The following SEC23B variants were observed in gnomAD, a reference collection of about 807,000 sequenced individuals.
SEC23B encodes the protein SEC23 homolog B, COPII component.
In SEC23B, 77 loss-of-function variants were observed where a neutral mutation model predicts 104.3. The observed-to-expected ratio is 0.74, with a 90% CI of 0.61 to 0.89. The LOEUF is 0.89. SEC23B is among the 40% of genes least tolerant of loss of function. SEC23B has a pLI of 0.00. For missense variants in SEC23B, 885 were observed against 949.4 expected (o/e 0.93, Z 0.89); for synonymous variants, 338 against 332.5 (o/e 1.02, Z -0.18).
In SEC23B at chr20:18,535,677, C is replaced by A; in HGVS notation, c.1339C>A (p.Gln447Lys). Residue 447 changes from glutamine to lysine, a missense_variant, in exon 12 of 20, where the codon CAG (glutamine) becomes AAG (lysine). Transcript: ENST00000650089. ...ENELGVGGTS[Q>K]WKICGLDPTS... ...GGAGCTTGGTGTTGGTGGCACGAGT[C>A]AGTGGAAAATCTGTGGCCTAGATCC... The A allele has an allele frequency of 1.2e-6, 2 of 1,614,074 alleles. No individual in the cohort carries two copies. The highest frequency in any genetic ancestry group is 4.5e-5 in the East Asian group (2 of 44,870).
chr20:18,531,638 G>A (rs1388369732), intron 10 of SEC23B, among the ~76,000 whole-genome samples: 4 of 132,054 alleles, frequency 3.0e-5, no homozygotes, highest in Admixed American at 2.4e-4. Flanking sequence ...CTGTGGCAAC[G>A]AGTGAAACTG....
At chr20:18,557,270 A>T (rs1358928954) in intron 19 of SEC23B, among the ~76,000 whole-genome samples, 1 of 151,550 alleles carries the variant, frequency 6.6e-6, no homozygotes, top group South Asian at 2.1e-4. Flanking sequence ...GTATCTCCTT[A>T]TTTAGCTTTT....
intron 16 of SEC23B, among the ~76,000 whole-genome samples, chr20:18,550,106 A>G (rs904677177): frequency 5.4e-5 from 8 of 148,324 alleles, no homozygotes; most frequent in Non-Finnish European, 1.0e-4. Context: ...ATATGTATAT[A>G]TAAATATAAA....
intron 3 of SEC23B, among the ~76,000 whole-genome samples, chr20:18,513,330 C>T (rs1283160854): frequency 6.8e-6 from 1 of 147,130 alleles, no homozygotes; most frequent in African/African-American, 2.5e-5. Context: ...CCTGGCAACA[C>T]AGCAAGAGTG....
chr20:18,559,078 G>T (rs1391341668), intron 19 of SEC23B, among the ~76,000 whole-genome samples: 8 of 53,624 alleles, frequency 1.5e-4, no homozygotes, highest in African/African-American at 3.7e-4. Flanking sequence ...GAAGGTGGTT[G>T]GTGGGGGGGG....
rs777288695 is a variant in SEC23B, at chr20:18,527,565, G to A, written c.1063G>A (p.Asp355Asn). 1.2e-5 allele frequency: 20 copies of A among 1,613,548 alleles called. No homozygotes were observed. The highest frequency in any genetic ancestry group is 1.4e-5 in the Non-Finnish European group (17 of 1,179,546). ...HCIDIYACAL[D>N]QTGLLEMKCC... ...CATTGATATTTATGCTTGTGCCCTTGATCAAACTGGACTTTTGGAGATGAA... is the reference window on the plus strand; with the variant it reads ...CATTGATATTTATGCTTGTGCCCTTAATCAAACTGGACTTTTGGAGATGAA... Residue 355 changes from aspartate (D) to asparagine (N), a missense_variant, in exon 9 of 20, where the codon GAT becomes AAT. By Grantham distance (23) the Asp-to-Asn change is conservative (BLOSUM62 1). Transcript: ENST00000650089.
chr20:18,545,731 A>T (rs1170606557), intron 14 of SEC23B, among the ~76,000 whole-genome samples: 1 of 152,164 alleles, frequency 6.6e-6, no homozygotes, highest in Non-Finnish European at 1.5e-5. Context: ...CTGATTAGAG[A>T]TGCAGAATCT....
Position 18,525,036 on chromosome 20 carries a change from G to A in SEC23B, c.689+16G>A, listed in dbSNP as rs772392664. 1.2e-6 allele frequency: 2 copies of A among 1,610,132 alleles called. No individual in the cohort carries two copies. Among genetic ancestry groups the A allele is most frequent in the Non-Finnish European group, 1.7e-6 (2 of 1,176,412 alleles). On this transcript the variant is annotated intron_variant, in intron 6 of 19. Coordinates refer to ENST00000650089, the MANE Select transcript of SEC23B (RefSeq NM_006363.6). ...CTTCAAGCAGGTGAGAGCCCAACAT[G>A]GAGTGTTACACGTATTGTGATGGAC...
At chr20:18,549,072 C>T (rs1345902549) in intron 16 of SEC23B, among the ~76,000 whole-genome samples, 2 of 151,644 alleles carry the variant, frequency 1.3e-5, no homozygotes, top group South Asian at 2.1e-4. Flanking sequence ...AGGAAAGACT[C>T]CTAGATACAG....
At chr20:18,543,294 T>G in intron 14 of SEC23B, 122 bp downstream of exon 14, 1 of 1,168,640 alleles carries the variant, frequency 8.6e-7, no homozygotes, top group Admixed American at 1.9e-5. Flanking sequence ...GCCTACCTTA[T>G]GCTGCACGCT....
intron 11 of SEC23B, among the ~76,000 whole-genome samples, chr20:18,532,973 C>T (rs931360508): frequency 6.6e-6 from 1 of 152,186 alleles, no homozygotes; most frequent in Non-Finnish European, 1.5e-5. Flanking sequence ...GTATCTTGCT[C>T]AGGGTCAGAA....
At chr20:18,517,351 A>G (rs1000526689) in intron 4 of SEC23B, among the ~76,000 whole-genome samples, 7 of 152,360 alleles carry the variant, frequency 4.6e-5, no homozygotes, top group Middle Eastern at 3.4e-3. Context: ...GGAGAATTAC[A>G]AAGACCCTTC....
intron 4 of SEC23B, among the ~76,000 whole-genome samples, chr20:18,521,942 C>T (rs1390578848): frequency 6.6e-6 from 1 of 152,086 alleles, no homozygotes; most frequent in East Asian, 1.9e-4. Flanking sequence ...ATCAAAAGTG[C>T]CGTTTTCTGG....
intron 16 of SEC23B, among the ~76,000 whole-genome samples, 172 bp downstream of exon 16, chr20:18,548,942 T>C (rs894407949): frequency 2.0e-5 from 3 of 152,220 alleles, no homozygotes; most frequent in African/African-American, 4.8e-5. Flanking sequence ...AAAGGACATA[T>C]AAAGCTATTA....
chr20:18,537,943 GT>G (rs950925882), intron 12 of SEC23B, among the ~76,000 whole-genome samples: 7 of 146,710 alleles, frequency 4.8e-5, no homozygotes, highest in African/African-American at 5.0e-5. Context: ...TTCTCTTTTT[GT>G]TTTTTTTTTA....
chr20:18,535,104 C>T (rs978843973), intron 11 of SEC23B, among the ~76,000 whole-genome samples: 4 of 152,144 alleles, frequency 2.6e-5, no homozygotes, highest in African/African-American at 9.7e-5. Flanking sequence ...TGTGTGATTT[C>T]ACCTTAAGGG....
chr20:18,531,537 C>T (rs1467144469), intron 10 of SEC23B, among the ~76,000 whole-genome samples: 1 of 151,746 alleles, frequency 6.6e-6, no homozygotes, highest in Non-Finnish European at 1.5e-5. Context: ...ATGCCTGTAG[C>T]CCCAGCTACT....
chr20:18,536,414 C>T (rs369390913), intron 12 of SEC23B, among the ~76,000 whole-genome samples: 15 of 152,170 alleles, frequency 9.9e-5, no homozygotes, highest in African/African-American at 3.1e-4. Flanking sequence ...ATATAACGGC[C>T]GGGTGCTGTG....
chr20:18,527,618 T>C lies in SEC23B; in HGVS notation c.1109+7T>C, dbSNP rs773426512. ...GTTGTGCAAATCTTACTGGGTATGTTGACAGTGAAAACCTGGGCAGAGTGA... is the reference window on the plus strand; with the variant it reads ...GTTGTGCAAATCTTACTGGGTATGTCGACAGTGAAAACCTGGGCAGAGTGA... On this transcript the variant is annotated splice_region_variant and intron_variant, in intron 9 of 19. Transcript: ENST00000650089. 3 of 1,523,028 alleles carry C rather than the reference T, an allele frequency of 2.0e-6. No individual in the cohort carries two copies. The highest frequency in any genetic ancestry group is 3.3e-5 in the Admixed American group (2 of 59,866). The allele number at this position is 1,523,028 out of a possible 1,614,324, so 94.3% of individuals were successfully genotyped here.
Sources: gnomAD v4.1 joint callset for allele counts (sites outside exome capture counted in the v4.1 genomes callset) on GRCh38, gnomAD v4.1.1 for gene constraint, MANE v1.5 for transcripts, NCBI Gene and HGNC (gene_info 2026-07-23, HGNC 2026-07-21) for gene names.